The following LDB3 variants were observed in gnomAD, a reference collection of about 807,000 sequenced individuals.
LDB3 encodes LIM domain-binding protein 3.
In LDB3, 49 loss-of-function variants were observed where a neutral mutation model predicts 69.0. The ratio of observed to expected loss-of-function variants is 0.71; its 90% confidence interval spans 0.56 to 0.90. The LOEUF is 0.90. Ranked by LOEUF, LDB3 falls within the 40% of genes least tolerant of loss-of-function variation. The probability of loss-of-function intolerance (pLI) is 0.00; values close to 1 mark genes in which losing one functional copy is unlikely to be tolerated. For synonymous variants in LDB3, 387 were observed against 396.2 expected (o/e 0.98, Z 0.28); for missense variants, 928 against 974.1 (o/e 0.95, Z 0.63).
At chr10:86,728,586 G>GTTTTTTTTTTGTTTTT (rs769237064) in intron 13 of LDB3, among the ~76,000 whole-genome samples, 1 of 131,456 alleles carries the variant, frequency 7.6e-6, no homozygotes, top group African/African-American at 2.8e-5. Flanking sequence ...TGGTTCTTTT[G>GTTTTTTTTTTGTTTTT]TTTTTTTTTT....
rs763481542 is a variant in LDB3 at position 86,692,024 on chromosome 10, G to A, written c.818G>A (p.Arg273His). 1.9e-5 allele frequency: 30 copies of A among 1,614,012 alleles called. No individual in the cohort carries two copies. Among genetic ancestry groups the A allele is most frequent in the East Asian group, 1.6e-4 (7 of 44,896 alleles). ...WARRSSNLQS[R>H]SFRILAQMTG... ...CGCCGTTCCTCCAACCTGCAGTCTC[G>A]CTCCTTCCGCATCCTGGCCCAGATG... The change falls in exon 6 of 14, where the codon CGC becomes CAC. Residue 273 changes from arginine to histidine, a missense_variant. By Grantham distance (29) the Arg-to-His change is conservative (BLOSUM62 0). Coordinates refer to ENST00000361373, the MANE Select transcript of LDB3 (RefSeq NM_007078.3).
At position 86,680,109 on chromosome 10, in the gene LDB3, G is replaced by A. The variant is rs45613039; in HGVS notation, c.273G>A (p.Thr91=). 1,898 of 1,614,110 alleles carry A rather than the reference G, an allele frequency of 1.2e-3. 24 individuals are homozygous for A. The South Asian group carries it at 0.019, about 16-fold the overall frequency. Residue 91 remains threonine, a synonymous_variant, in exon 4 of 14, where the codon ACG becomes ACA. Transcript: ENST00000361373. ...CAAAGCGTCCCATTCCCATCTCCAC[G>A]ACAGCACCTCCAGTCCAGACCCCTC... The part of the protein sequence containing the change: ...QKSKRPIPIS[T]TAPPVQTPLP...
At position 86,668,539 on chromosome 10, in the gene LDB3, G is replaced by A. The variant is rs1328530084; in HGVS notation, c.-55G>A. The A allele has an allele frequency of 5.5e-6, 4 of 720,736 alleles. No individual in the cohort carries two copies. Among genetic ancestry groups the A allele is most frequent in the Non-Finnish European group, 5.1e-6 (2 of 395,176 alleles). 44.6% of individuals were successfully genotyped at this position (720,736 alleles called of 1,614,324 possible). ...CTTAGGAGCCTCTCAAGAGCTCCAC[G>A]CAGCCCGGCTGGGCAGCAAGGGACA... On this transcript the variant is annotated 5_prime_UTR_variant, in exon 1 of 14. Transcript: ENST00000361373.
Position 86,733,356 on chromosome 10 carries a change from G to C in LDB3, c.*380G>C, listed in dbSNP as rs45493398. The C allele has an allele frequency of 4.1e-3, 1,144 of 280,454 alleles. 2 individuals carry two copies. The highest frequency in any genetic ancestry group is 6.7e-3 in the Non-Finnish European group (975 of 144,912). 17.4% of individuals were successfully genotyped at this position (280,454 alleles called of 1,614,324 possible). A position where few individuals can be genotyped will look rare whatever the true frequency, so the allele number is the denominator to read the frequency against. On this transcript the variant is annotated 3_prime_UTR_variant, in exon 14 of 14. Coordinates refer to ENST00000361373, the MANE Select transcript of LDB3 (RefSeq NM_007078.3). ...TGTGGAGAATCTGAAGCATTCTGCG[G>C]AGTTCTTAAGCGCTCCCCTGGCAAA...
chr10:86,676,040 A>G (rs192633338), intron 2 of LDB3, among the ~76,000 whole-genome samples: 1 of 152,352 alleles, frequency 6.6e-6, no homozygotes, highest in Admixed American at 6.5e-5. Context: ...CCTGTCATTA[A>G]TAGAGGCTAT....
At chr10:86,732,526 C>T (rs1466807886) in intron 13 of LDB3, 1 of 457,224 alleles carries the variant, frequency 2.2e-6, no homozygotes, top group Non-Finnish European at 4.4e-6. Flanking sequence ...TTGCTTTAGA[C>T]AGTCTTGCTA....
chr10:86,716,615 C>A lies in LDB3; in HGVS notation c.1520C>A (p.Thr507Asn), dbSNP rs150188572. The change falls in exon 10 of 14, where the codon ACC becomes AAC. Residue 507 changes from threonine (T) to asparagine (N), a missense_variant. Thr to Asn is a moderately conservative substitution (Grantham distance 65). Transcript: ENST00000361373. ...AAGTTTGCCCCGGGCAAGAGCACCA[C>A]CTCCATCAGCAAGCAGACCCTGCCC... ...SQKFAPGKST[T>N]SISKQTLPRG... 42 of 1,613,914 alleles carry A rather than the reference C, an allele frequency of 2.6e-5. No homozygotes were observed. Among genetic ancestry groups the A allele is most frequent in the Non-Finnish European group, 3.3e-5 (39 of 1,179,958 alleles).
intron 12 of LDB3, among the ~76,000 whole-genome samples, chr10:86,723,437 G>T (rs1847154177): frequency 6.6e-6 from 1 of 152,120 alleles, no homozygotes; most frequent in Non-Finnish European, 1.5e-5. Flanking sequence ...TAGCACAAAG[G>T]ATTGCAGAGA....
rs1449183114 is a variant in LDB3 at position 86,735,984 on chromosome 10, CA to C, written c.*3013del. The stretch of plus-strand genomic sequence containing the variant: ...GAATGTAGCCTGTTAAAGGTGTGCA[CA>C]AAAATATTTTGCATGTGTTTTTTTT... On this transcript the variant is annotated 3_prime_UTR_variant, in exon 14 of 14. Transcript: ENST00000361373. 4 of 150,402 alleles carry C rather than the reference CA, an allele frequency of 2.7e-5. No individual in the cohort carries two copies. The highest frequency in any genetic ancestry group is 4.9e-5 in the African/African-American group (2 of 40,970). The allele number at this position is 150,402 out of a possible 1,614,324, so 9.3% of individuals were successfully genotyped here. A position where few individuals can be genotyped will look rare whatever the true frequency, so the allele number is the denominator to read the frequency against.
In LDB3 at chr10:86,733,252, A is replaced by G. The variant is rs532133967; in HGVS notation, c.*276A>G. The G allele has an allele frequency of 5.0e-5, 21 of 417,044 alleles. No homozygotes were observed. The highest frequency in any genetic ancestry group is 1.1e-4 in the Admixed American group (3 of 27,894). 25.8% of individuals were successfully genotyped at this position (417,044 alleles called of 1,614,324 possible). Reference sequence around the variant, plus strand: ...TTTAGAGCAGAATTCCAAGAACTCAAAAGTGAAAAGCAACAAGCAGCTTTC... The same window carrying G: ...TTTAGAGCAGAATTCCAAGAACTCAGAAGTGAAAAGCAACAAGCAGCTTTC... On this transcript the variant is annotated 3_prime_UTR_variant, in exon 14 of 14. Transcript: ENST00000361373.
intron 13 of LDB3, among the ~76,000 whole-genome samples, chr10:86,727,770 C>T (rs1388669674): frequency 6.6e-6 from 1 of 152,090 alleles, no homozygotes; most frequent in African/African-American, 2.4e-5. Context: ...AGCCTGTCTC[C>T]CCTCTGTGTG....
intron 5 of LDB3, among the ~76,000 whole-genome samples, chr10:86,686,847 G>C (rs1845502030): frequency 6.6e-6 from 1 of 151,524 alleles, no homozygotes; most frequent in African/African-American, 2.4e-5. Flanking sequence ...ACCTTCTGCT[G>C]CACTGGGCTT....
At chr10:86,705,737 G>A (rs1846416034) in intron 7 of LDB3, among the ~76,000 whole-genome samples, 1 of 152,210 alleles carries the variant, frequency 6.6e-6, no homozygotes, top group Non-Finnish European at 1.5e-5. Flanking sequence ...AGATCTGCAG[G>A]TGCTCAGGAC....
chr10:86,674,436 A>G (rs4278432), intron 2 of LDB3, among the ~76,000 whole-genome samples: 54,461 of 151,946 alleles, frequency 0.36, 9,861 homozygotes, highest in South Asian at 0.46. Flanking sequence ...TGCCCTTGGA[A>G]GTGCCCTAAG....
chr10:86,677,760 C>T (rs916200373), intron 2 of LDB3, among the ~76,000 whole-genome samples: 1 of 152,196 alleles, frequency 6.6e-6, no homozygotes, highest in Admixed American at 6.5e-5. Context: ...GAACCCTAAG[C>T]CCTGCCCCAT....
intron 12 of LDB3, 32 bp downstream of exon 12, chr10:86,718,879 C>T (rs1318531654): frequency 1.9e-6 from 3 of 1,613,344 alleles, no homozygotes; most frequent in South Asian, 2.2e-5. Context: ...GTGGGGAGGC[C>T]CCACAGCCTG....
rs2132514674 is a variant in LDB3 at position 86,731,582 on chromosome 10, A to G, written c.2095-1305A>G. Among the ~76,000 whole-genome samples the G allele has an allele frequency of 1.3e-5, 2 of 152,190 alleles. 1 individual carries two copies. ...AAAATACACCATGAAAATTTACTGAATCATCTTCCTATTGAGAGAAATTTT... is the reference window on the plus strand; with the variant it reads ...AAAATACACCATGAAAATTTACTGAGTCATCTTCCTATTGAGAGAAATTTT... On this transcript the variant is annotated intron_variant, in intron 13 of 13. Transcript: ENST00000361373.
At chr10:86,698,647 G>A (rs17106945) in intron 7 of LDB3, among the ~76,000 whole-genome samples, 11,545 of 152,276 alleles carry the variant, frequency 0.076, 846 homozygotes, top group African/African-American at 0.19. Context: ...GACCTTGTGA[G>A]TATGTGTGGG....
At chr10:86,667,176 C>G (rs34339902), upstream of LDB3, among the ~76,000 whole-genome samples, 160 of 152,260 alleles carry the variant, frequency 1.1e-3, no homozygotes, top group African/African-American at 3.6e-3. Flanking sequence ...GGGCAAGTGA[C>G]AAAACAACCC....
Sources: gnomAD v4.1 joint callset for allele counts (sites outside exome capture counted in the v4.1 genomes callset) on GRCh38, gnomAD v4.1.1 for gene constraint, MANE v1.5 for transcripts, NCBI Gene and HGNC (gene_info 2026-07-23, HGNC 2026-07-21) for gene names.